UXS1: variants seen among roughly 807,000 people sequenced by gnomAD.
UXS1 encodes the protein UDP-glucuronate decarboxylase 1.
UXS1 carries 33 observed loss-of-function variants against 62.6 expected under a neutral mutation model. The observed-to-expected ratio is 0.53, with a 90% CI of 0.40 to 0.70. UXS1 has a LOEUF of 0.70. Among genes scored for constraint, UXS1 ranks in the 30% least tolerant of loss-of-function variants. The probability of loss-of-function intolerance (pLI) is 0.00; values close to 1 mark genes in which losing one functional copy is unlikely to be tolerated. For missense variants in UXS1, 434 were observed against 556.3 expected (o/e 0.78, Z 2.21); for synonymous variants, 213 against 206.8 (o/e 1.03, Z -0.26).
At chr2:106,129,261 T>C (rs1200391676) in intron 7 of UXS1, among the ~76,000 whole-genome samples, 2 of 152,306 alleles carry the variant, frequency 1.3e-5, no homozygotes, top group Non-Finnish European at 2.9e-5. Context: ...TGTAAGGCCA[T>C]GTCAACCCAA....
chr2:106,171,457 C>T (rs1167919956), intron 1 of UXS1, among the ~76,000 whole-genome samples: 1 of 152,230 alleles, frequency 6.6e-6, no homozygotes, highest in African/African-American at 2.4e-5. Flanking sequence ...TGTGAAAGCA[C>T]ATGTGAAATT....
intron 6 of UXS1, among the ~76,000 whole-genome samples, chr2:106,141,654 G>T (rs1573494348): frequency 6.6e-6 from 1 of 151,980 alleles, no homozygotes; most frequent in Non-Finnish European, 1.5e-5. Context: ...TCGCCATGTT[G>T]CCCAGGCTGG....
Position 106,145,386 on chromosome 2 carries a change from G to A in UXS1, c.292-16C>T, listed in dbSNP as rs760086885. On this transcript the variant is annotated splice_polypyrimidine_tract_variant and intron_variant, in intron 5 of 14. Transcript: ENST00000283148. Reference sequence around the variant, plus strand: ...CTCCTGTTATCTGCATCCGGACAGCGTGTGCAGAGCATTCCCAGAAAAAGC... The same window carrying A: ...CTCCTGTTATCTGCATCCGGACAGCATGTGCAGAGCATTCCCAGAAAAAGC... 16 of 1,605,368 alleles carry A rather than the reference G, an allele frequency of 1.0e-5. No homozygotes were observed. Among genetic ancestry groups the A allele is most frequent in the South Asian group, 2.2e-5 (2 of 89,518 alleles).
At chr2:106,167,054 A>AC (rs1278496609) in intron 1 of UXS1, among the ~76,000 whole-genome samples, 1 of 151,818 alleles carries the variant, frequency 6.6e-6, no homozygotes, top group East Asian at 1.9e-4. Flanking sequence ...TCCCTTCTAT[A>AC]CTCTAGGCAC....
At chr2:106,185,664 T>C (rs1035005013) in intron 1 of UXS1, among the ~76,000 whole-genome samples, 3 of 152,256 alleles carry the variant, frequency 2.0e-5, no homozygotes, top group Non-Finnish European at 4.4e-5. Context: ...TTTGTGATTG[T>C]TATCTTACTT....
At chr2:106,163,093 G>C (rs531019052) in intron 4 of UXS1, among the ~76,000 whole-genome samples, 1 of 152,272 alleles carries the variant, frequency 6.6e-6, no homozygotes, top group East Asian at 1.9e-4. Context: ...CAGCGGCCTC[G>C]GGAGTGCCTG....
intron 10 of UXS1, among the ~76,000 whole-genome samples, chr2:106,109,154 A>G (rs1678364763): frequency 6.6e-6 from 1 of 151,796 alleles, no homozygotes; most frequent in Non-Finnish European, 1.5e-5. Context: ...CCTGTGCTGT[A>G]TTTGGAGTTG....
intron 5 of UXS1, among the ~76,000 whole-genome samples, chr2:106,156,495 G>A (rs1286547968): frequency 1.3e-5 from 2 of 152,166 alleles, no homozygotes; most frequent in Non-Finnish European, 2.9e-5. Context: ...AGGTTAAAGA[G>A]AGTCACCCTA....
At chr2:106,189,964 T>C (rs577433773) in intron 1 of UXS1, among the ~76,000 whole-genome samples, 128 of 152,258 alleles carry the variant, frequency 8.4e-4, no homozygotes, top group Non-Finnish European at 4.1e-4. Context: ...TCCAGGCTGA[T>C]GTGGGTGCAG....
At chr2:106,121,659 C>G (rs1679531559) in intron 9 of UXS1, among the ~76,000 whole-genome samples, 2 of 152,184 alleles carry the variant, frequency 1.3e-5, no homozygotes, top group South Asian at 4.1e-4. Flanking sequence ...ATCGGCATTT[C>G]ATAGAGGAAG....
chr2:106,101,191 C>A, intron 11 of UXS1, 73 bp from the exon 12 acceptor site: 1 of 1,490,802 alleles, frequency 6.7e-7, no homozygotes, highest in Non-Finnish European at 9.0e-7. Flanking sequence ...CATAGAAGCC[C>A]TCCCAGAAGA....
At chr2:106,157,948 C>T in intron 5 of UXS1, 110 bp downstream of exon 5, 1 of 948,996 alleles carries the variant, frequency 1.1e-6, no homozygotes, top group Non-Finnish European at 1.6e-6. Context: ...TACTATAAGC[C>T]ACTGAATCGT....
rs567925473 is a variant in UXS1 at position 106,122,952 on chromosome 2, T to A, written c.759+18A>T. 82 of 1,613,190 alleles carry A rather than the reference T, an allele frequency of 5.1e-5. No individual in the cohort carries two copies. Among genetic ancestry groups the A allele is most frequent in the Non-Finnish European group, 6.3e-5 (74 of 1,179,460 alleles). ...GCTCAGCACGCCTAAACCGCAAGCCTAGACCCTGGTGAAATACCTGCTTCA... is the reference window on the plus strand; with the variant it reads ...GCTCAGCACGCCTAAACCGCAAGCCAAGACCCTGGTGAAATACCTGCTTCA... On this transcript the variant is annotated intron_variant, in intron 9 of 14. Coordinates refer to ENST00000283148, the MANE Select transcript of UXS1 (RefSeq NM_001253875.2).
At chr2:106,127,410 C>T (rs1318639866) in intron 7 of UXS1, among the ~76,000 whole-genome samples, 1 of 152,188 alleles carries the variant, frequency 6.6e-6, no homozygotes, top group Non-Finnish European at 1.5e-5. Context: ...CACAAACACA[C>T]ATCACAAATG....
chr2:106,192,314 G>A (rs1684981334), intron 1 of UXS1, among the ~76,000 whole-genome samples: 1 of 152,200 alleles, frequency 6.6e-6, no homozygotes, highest in Admixed American at 6.5e-5. Context: ...CAGCACTTTG[G>A]GAGGCCGAGG....
At chr2:106,109,925 G>A (rs1028435924) in intron 10 of UXS1, among the ~76,000 whole-genome samples, 1 of 152,188 alleles carries the variant, frequency 6.6e-6, no homozygotes, top group African/African-American at 2.4e-5. Flanking sequence ...AAATGTAGCA[G>A]AAAAGGAAAT....
chr2:106,097,472 T>G, intron 13 of UXS1: 1 of 341,462 alleles, frequency 2.9e-6, no homozygotes, highest in Non-Finnish European at 5.9e-6. Flanking sequence ...TTGCAGACTC[T>G]GCAGCGAATC....
intron 10 of UXS1, among the ~76,000 whole-genome samples, chr2:106,108,224 T>C (rs1250824900): frequency 1.3e-5 from 2 of 152,226 alleles, no homozygotes; most frequent in African/African-American, 4.8e-5. Context: ...CTTTGCAACA[T>C]GAGGATTTGT....
intron 1 of UXS1, among the ~76,000 whole-genome samples, chr2:106,167,198 G>A (rs1315695348): frequency 6.6e-6 from 1 of 152,208 alleles, no homozygotes; most frequent in East Asian, 1.9e-4. Context: ...TTACTGAGCA[G>A]GATTCTTTCT....
Sources: allele counts gnomAD v4.1 joint callset (sites outside exome capture counted in the v4.1 genomes callset), GRCh38; gene constraint gnomAD v4.1.1; transcripts MANE v1.5; gene names NCBI Gene and HGNC (gene_info 2026-07-23, HGNC 2026-07-21).